NHS: variants seen among roughly 807,000 people sequenced by gnomAD.
NHS encodes actin remodeling regulator NHS.
A neutral mutation model predicts 72.5 loss-of-function variants in NHS; 5 were observed. The observed-to-expected ratio is 0.07, with a 90% CI of 0.04 to 0.14. NHS has a LOEUF of 0.14. Among genes scored for constraint, NHS ranks in the 10% least tolerant of loss-of-function variants. NHS has a pLI of 1.00. For synonymous variants in NHS, 464 were observed against 547.7 expected, an observed-to-expected ratio of 0.85 and a Z score of 2.13; for missense variants, 1,072 against 1,355.7, an observed-to-expected ratio of 0.79 and a Z score of 3.29.
chrX:17,667,202 T>C (rs1452510224), intron 1 of NHS, among the ~76,000 whole-genome samples: 1 of 112,521 alleles, frequency 8.9e-6, no homozygotes, highest in East Asian at 2.8e-4. Context: ...GGCTCACTTA[T>C]TGCTAACTAA....
At chrX:17,386,791 A>G (rs925578586) in intron 1 of NHS, among the ~76,000 whole-genome samples, 2 of 111,167 alleles carry the variant, frequency 1.8e-5, no homozygotes, top group African/African-American at 6.5e-5. Flanking sequence ...CTTCCTTTAT[A>G]GTGGCAGTTT....
At chrX:17,646,419 A>G (rs1004788107) in intron 1 of NHS, among the ~76,000 whole-genome samples, 2 of 111,834 alleles carry the variant, frequency 1.8e-5, no homozygotes, top group Non-Finnish European at 3.8e-5. Context: ...AGTATCTCAG[A>G]GGGGCCATTG....
chrX:17,461,861 G>A (rs777157732), intron 1 of NHS, among the ~76,000 whole-genome samples: 25 of 111,901 alleles, frequency 2.2e-4, no homozygotes, highest in Non-Finnish European at 3.8e-4. Flanking sequence ...TCTTCCATGT[G>A]GTCTCTTATC....
chrX:17,532,500 G>A (rs1435037058), intron 1 of NHS, among the ~76,000 whole-genome samples: 2 of 111,594 alleles, frequency 1.8e-5, no homozygotes, highest in Admixed American at 9.4e-5. Context: ...CTTGAGTTTC[G>A]TATCAACCTC....
intron 1 of NHS, among the ~76,000 whole-genome samples, chrX:17,538,344 G>A (rs1241716324): frequency 1.8e-5 from 2 of 111,495 alleles, no homozygotes; most frequent in Non-Finnish European, 3.8e-5. Flanking sequence ...TTGCTCAGGG[G>A]GGTCCTGGAA....
At chrX:17,538,540 T>C (rs1363244257) in intron 1 of NHS, among the ~76,000 whole-genome samples, 1 of 111,731 alleles carries the variant, frequency 9.0e-6, no homozygotes, top group Non-Finnish European at 1.9e-5. Context: ...TTCTTCATAA[T>C]TCCTGCCCTT....
At chrX:17,538,754 G>C (rs769108445) in intron 1 of NHS, among the ~76,000 whole-genome samples, 24 of 112,145 alleles carry the variant, frequency 2.1e-4, no homozygotes, top group Middle Eastern at 9.2e-3. Flanking sequence ...CTGAGGCCAG[G>C]AAAGCATTTC....
At chrX:17,705,089 G>C (rs1050669449) in intron 3 of NHS, among the ~76,000 whole-genome samples, 1 of 112,033 alleles carries the variant, frequency 8.9e-6, no homozygotes, top group Non-Finnish European at 1.9e-5. Context: ...TTTAGAAATG[G>C]AGAACCAGTG....
At chrX:17,513,582 A>G (rs2065101493) in intron 1 of NHS, among the ~76,000 whole-genome samples, 1 of 112,011 alleles carries the variant, frequency 8.9e-6, no homozygotes. Flanking sequence ...GAATCAAACT[A>G]TTTTGAGAGT....
rs746859421 is a variant in NHS, at chrX:17,452,045, G to T, written c.565+75723G>T. Among the ~76,000 whole-genome samples, 5 of 111,695 alleles carry T rather than the reference G, an allele frequency of 4.5e-5. No individual in the cohort carries two copies. The East Asian group carries it at 1.4e-3, about 31-fold the overall frequency. ...GTATATACTATGGGACATTTACTGTGCCAAGCCATGGGAATCCATAGGAGA... is the reference window on the plus strand; with the variant it reads ...GTATATACTATGGGACATTTACTGTTCCAAGCCATGGGAATCCATAGGAGA... On this transcript the variant is annotated intron_variant, in intron 1 of 8. Transcript: ENST00000676302.
chrX:17,660,292 G>A (rs771403585), intron 1 of NHS, among the ~76,000 whole-genome samples: 22 of 112,308 alleles, frequency 2.0e-4, no homozygotes, highest in African/African-American at 6.5e-4. Context: ...AAAAGCAGCC[G>A]TGGTCAACCA....
intron 1 of NHS, among the ~76,000 whole-genome samples, chrX:17,503,539 T>C (rs1003258321): frequency 4.5e-5 from 5 of 111,642 alleles, no homozygotes; most frequent in African/African-American, 1.6e-4. Flanking sequence ...AGAGGTCAGG[T>C]AACTTACTCA....
At chrX:17,622,938 T>G (rs2065780884) in intron 1 of NHS, among the ~76,000 whole-genome samples, 2 of 109,514 alleles carry the variant, frequency 1.8e-5, no homozygotes, top group South Asian at 8.0e-4. Context: ...AAAAAAAAAT[T>G]TTTTTTTTAG....
At chrX:17,507,706 G>A (rs1359160058) in intron 1 of NHS, among the ~76,000 whole-genome samples, 1 of 112,250 alleles carries the variant, frequency 8.9e-6, no homozygotes, top group Non-Finnish European at 1.9e-5. Context: ...TATTGCCCAA[G>A]ACATAGACAA....
intron 3 of NHS, among the ~76,000 whole-genome samples, chrX:17,715,379 A>G (rs907039632): frequency 1.8e-5 from 2 of 112,689 alleles, no homozygotes; most frequent in Non-Finnish European, 3.7e-5. Flanking sequence ...ATGGCTGAGT[A>G]GTATTCCATG....
intron 1 of NHS, among the ~76,000 whole-genome samples, chrX:17,389,959 A>G (rs1341473508): frequency 8.9e-6 from 1 of 112,068 alleles, no homozygotes; most frequent in Non-Finnish European, 1.9e-5. Flanking sequence ...AATGAAAAAA[A>G]AAAAAGACCT....
At chrX:17,447,773 GCACACACACACGCA>G (rs1193145803) in intron 1 of NHS, among the ~76,000 whole-genome samples, 7 of 77,993 alleles carry the variant, frequency 9.0e-5, no homozygotes, top group Admixed American at 2.8e-4. Context: ...ACACACACAC[GCACACACACACGCA>G]CACACACACA....
chrX:17,517,470 G>A (rs1398619905), intron 1 of NHS, among the ~76,000 whole-genome samples: 1 of 112,436 alleles, frequency 8.9e-6, no homozygotes, highest in Non-Finnish European at 1.9e-5. Context: ...GTTACAGATA[G>A]TATAGCGTAT....
At position 17,521,366 on chromosome X, in the gene NHS, C is replaced by CTTTTTTTTTTTTTTTTTTTTTTTTTTTT. The variant is rs766662277; in HGVS notation, c.565+145057_565+145058insTTTTTTTTTTTTTTTTTTTTTTTTTTTT. On this transcript the variant is annotated intron_variant, in intron 1 of 8. Transcript: ENST00000676302. ...AGTTCTACCTTTTTCTCCCTTCCCT[C>CTTTTTTTTTTTTTTTTTTTTTTTTTTTT]TTTTTTTTTTTTTGAGACAGGGTCT... Among the ~76,000 whole-genome samples, 19 of 97,346 alleles carry CTTTTTTTTTTTTTTTTTTTTTTTTTTTT rather than the reference C, an allele frequency of 2.0e-4. 3 individuals carry two copies. The highest frequency in any genetic ancestry group is 7.8e-4 in the African/African-American group (18 of 23,155). The allele number at this position is 97,346 out of a possible 115,157, so 84.5% of individuals were successfully genotyped here. A position where few individuals can be genotyped will look rare whatever the true frequency, so the allele number is the denominator to read the frequency against.
Sources: allele counts gnomAD v4.1 joint callset (sites outside exome capture counted in the v4.1 genomes callset), GRCh38; gene constraint gnomAD v4.1.1; transcripts MANE v1.5; gene names NCBI Gene and HGNC (gene_info 2026-07-23, HGNC 2026-07-21).